Variants in NTF3 observed in about 807,000 individuals in gnomAD.
The protein encoded by NTF3 is neurotrophin 3.
NTF3 carries 8 observed loss-of-function variants against 26.3 expected under a neutral mutation model. That is an observed-to-expected ratio of 0.30 (90% CI 0.18 to 0.55). NTF3 has a LOEUF of 0.55. Among genes scored for constraint, NTF3 ranks in the 20% least tolerant of loss-of-function variants. The pLI is 0.93. For synonymous variants in NTF3, 154 were observed against 145.5 expected (o/e 1.06, Z -0.42); for missense variants, 276 against 352.9 (o/e 0.78, Z 1.75).
intron 1 of NTF3, among the ~76,000 whole-genome samples, chr12:5,491,018 C>T (rs1238827185): frequency 6.6e-6 from 1 of 152,198 alleles, no homozygotes; most frequent in African/African-American, 2.4e-5. Flanking sequence ...TAGGTGCTTC[C>T]ATGTGGATTT....
At chr12:5,450,655 C>G (rs559438190) in intron 1 of NTF3, among the ~76,000 whole-genome samples, 1 of 152,176 alleles carries the variant, frequency 6.6e-6, no homozygotes, top group Admixed American at 6.5e-5. Flanking sequence ...GCCCTCTGTA[C>G]GTGATCTCAG....
upstream of NTF3, among the ~76,000 whole-genome samples, chr12:5,431,344 C>G (rs185667365): frequency 4.0e-3 from 605 of 152,282 alleles, no homozygotes; most frequent in African/African-American, 0.014. Context: ...AGGCTGCGAT[C>G]CATCTCCCTC....
At chr12:5,445,502 T>G (rs149445400) in intron 1 of NTF3, among the ~76,000 whole-genome samples, 1 of 152,156 alleles carries the variant, frequency 6.6e-6, no homozygotes, top group Non-Finnish European at 1.5e-5. Context: ...ATCCAGTTGC[T>G]TGGGGAGTGT....
intron 1 of NTF3, among the ~76,000 whole-genome samples, chr12:5,442,040 A>T (rs1940244570): frequency 6.6e-6 from 1 of 152,252 alleles, no homozygotes; most frequent in African/African-American, 2.4e-5. Context: ...TTCATTAAGC[A>T]GTCTGTTGGT....
intron 1 of NTF3, among the ~76,000 whole-genome samples, chr12:5,491,994 A>G (rs537638698): frequency 1.1e-3 from 166 of 152,146 alleles, no homozygotes; most frequent in African/African-American, 3.9e-3. Context: ...GATTACAGGC[A>G]TAAGCCACCG....
At chr12:5,478,436 G>A (rs1172861113) in intron 1 of NTF3, among the ~76,000 whole-genome samples, 1 of 152,094 alleles carries the variant, frequency 6.6e-6, no homozygotes, top group African/African-American at 2.4e-5. Flanking sequence ...AGTATAAAAA[G>A]AATGTCCAGA....
chr12:5,488,889 C>A (rs1187145739), intron 1 of NTF3, among the ~76,000 whole-genome samples: 1 of 152,204 alleles, frequency 6.6e-6, no homozygotes, highest in East Asian at 1.9e-4. Flanking sequence ...TATGGCTACA[C>A]CAGAAATAAT....
At chr12:5,482,128 CACAG>C (rs1202813201) in intron 1 of NTF3, among the ~76,000 whole-genome samples, 1 of 152,198 alleles carries the variant, frequency 6.6e-6, no homozygotes, top group Non-Finnish European at 1.5e-5. Context: ...CACACTCACA[CACAG>C]ACACACATAG....
chr12:5,451,524 T>C (rs1459691841), intron 1 of NTF3, among the ~76,000 whole-genome samples: 3 of 152,178 alleles, frequency 2.0e-5, no homozygotes, highest in Non-Finnish European at 4.4e-5. Context: ...TCTGTTCTAA[T>C]GTATGTTCAA....
Position 5,494,813 on chromosome 12 carries a change from C to G in NTF3, c.638C>G (p.Pro213Arg). ...GAAACGCGATGTAAGGAAGCCAGGC[C>G]GGTCAAAAACGGTTGCAGGGGTATT... ...FYETRCKEAR[P>R]VKNGCRGIDD... The change falls in exon 2 of 2, where the codon CCG becomes CGG. Residue 213 changes from proline to arginine, a missense_variant. Pro to Arg is a moderately radical substitution (Grantham distance 103). Coordinates refer to ENST00000423158, the MANE Select transcript of NTF3 (RefSeq NM_001102654.2). The surrounding 1 kb of genome is among the most constrained non-coding windows in gnomAD (Gnocchi z 8.3). 1 of 1,614,038 alleles carries G rather than the reference C, an allele frequency of 6.2e-7. No individual in the cohort carries two copies. The highest frequency in any genetic ancestry group is 8.5e-7 in the Non-Finnish European group (1 of 1,180,012).
rs1417380268 is a variant in NTF3 at position 5,494,540 on chromosome 12, G to A, written c.365G>A (p.Ser122Asn). The change falls in exon 2 of 2, where the codon AGC becomes AAC. Residue 122 changes from serine to asparagine, a missense_variant. Transcript: ENST00000423158. The surrounding 1 kb of genome is among the most constrained non-coding windows in gnomAD (Gnocchi z 8.3). ...TCACCGCGGGTCCTGCTGAGCGACA[G>A]CACCCCCTTGGAGCCCCCGCCCTTG... Reference protein sequence around the residue: ...YNSPRVLLSDSTPLEPPPLYL... With the variant: ...YNSPRVLLSDNTPLEPPPLYL... The A allele has an allele frequency of 6.2e-7, 1 of 1,613,978 alleles. No individual in the cohort carries two copies. Among genetic ancestry groups the A allele is most frequent in the Non-Finnish European group, 8.5e-7 (1 of 1,180,040 alleles).
chr12:5,437,691 G>A (rs1397575331), intron 1 of NTF3, among the ~76,000 whole-genome samples: 1 of 152,148 alleles, frequency 6.6e-6, no homozygotes, highest in Non-Finnish European at 1.5e-5. Flanking sequence ...TCTGGCGTTG[G>A]GGATGTTGAA....
At chr12:5,449,238 GA>G (rs1940343761) in intron 1 of NTF3, among the ~76,000 whole-genome samples, 1 of 152,198 alleles carries the variant, frequency 6.6e-6, no homozygotes, top group Non-Finnish European at 1.5e-5. Context: ...CAGTACGCCT[GA>G]AAGGGAGGGA....
At chr12:5,443,426 G>A (rs913337688) in intron 1 of NTF3, among the ~76,000 whole-genome samples, 4 of 152,186 alleles carry the variant, frequency 2.6e-5, no homozygotes, top group Non-Finnish European at 5.9e-5. Flanking sequence ...CAGCAGGAGA[G>A]AGAGAATTTC....
At chr12:5,469,050 G>T (rs1940630311) in intron 1 of NTF3, among the ~76,000 whole-genome samples, 1 of 152,026 alleles carries the variant, frequency 6.6e-6, no homozygotes, top group African/African-American at 2.4e-5. Flanking sequence ...GAGCCTAGGG[G>T]GTCGAGGCTG....
intron 1 of NTF3, among the ~76,000 whole-genome samples, chr12:5,454,857 AG>A (rs1389456608): frequency 6.6e-6 from 1 of 152,166 alleles, no homozygotes; most frequent in Non-Finnish European, 1.5e-5. Flanking sequence ...AAGTATAGCG[AG>A]CAGAGCGGCA....
At chr12:5,434,824 ATG>A (rs1265349116) in intron 1 of NTF3, among the ~76,000 whole-genome samples, 1 of 149,074 alleles carries the variant, frequency 6.7e-6, no homozygotes, top group Non-Finnish European at 1.5e-5. Context: ...TACCAAAGGG[ATG>A]TGTGTGGGGG....
chr12:5,470,545 G>A (rs997822105), intron 1 of NTF3, among the ~76,000 whole-genome samples: 6 of 152,212 alleles, frequency 3.9e-5, no homozygotes, highest in African/African-American at 7.2e-5. Context: ...TGAGCCATCC[G>A]TGTAGTTCCT....
At chr12:5,482,349 C>T (rs1269223052) in intron 1 of NTF3, among the ~76,000 whole-genome samples, 3 of 152,176 alleles carry the variant, frequency 2.0e-5, no homozygotes, top group African/African-American at 7.2e-5. Flanking sequence ...CTTCCTGAGC[C>T]AGGAAGCGCT....
Sources: allele counts gnomAD v4.1 joint callset (sites outside exome capture counted in the v4.1 genomes callset), GRCh38; gene constraint gnomAD v4.1.1; non-coding constraint Gnocchi (gnomAD v3.1); transcripts MANE v1.5; gene names NCBI Gene and HGNC (gene_info 2026-07-23, HGNC 2026-07-21).